Variants in KDM2B observed in about 807,000 individuals in gnomAD.
The protein encoded by KDM2B is lysine-specific demethylase 2B.
KDM2B carries 26 observed loss-of-function variants against 150.0 expected under a neutral mutation model. That is an observed-to-expected ratio of 0.17 (90% CI 0.13 to 0.24). KDM2B has a LOEUF of 0.24. Among genes scored for constraint, KDM2B ranks in the 10% least tolerant of loss-of-function variants. KDM2B has a pLI of 1.00. For synonymous variants in KDM2B, 734 were observed against 729.5 expected, an observed-to-expected ratio of 1.01 and a Z score of -0.10; for missense variants, 1,265 against 1,816.9, an observed-to-expected ratio of 0.70 and a Z score of 5.52.
the KDM2B span, among the ~76,000 whole-genome samples, chr12:121,421,126 T>C: frequency 6.6e-6 from 1 of 152,102 alleles, no homozygotes; most frequent in Non-Finnish European, 1.5e-5. Context: ...ACCTTGGTTC[T>C]CTCAACTTTT....
At chr12:121,577,442 G>A (rs568678193) in intron 2 of KDM2B, among the ~76,000 whole-genome samples, 1 of 152,310 alleles carries the variant, frequency 6.6e-6, no homozygotes, top group African/African-American at 2.4e-5. Context: ...GCTGGGACTA[G>A]CACCCTGCTC....
chr12:121,517,641 G>C, intron 9 of KDM2B, among the ~76,000 whole-genome samples: 1 of 151,802 alleles, frequency 6.6e-6, no homozygotes, highest in Non-Finnish European at 1.5e-5. Flanking sequence ...GCTAATTTTT[G>C]TATTTTTTTA....
intron 11 of KDM2B, among the ~76,000 whole-genome samples, chr12:121,497,036 T>A (rs1555301167): frequency 1.3e-5 from 2 of 151,948 alleles, no homozygotes; most frequent in African/African-American, 4.8e-5. Flanking sequence ...TTTGAGTGAT[T>A]TTTCAAGATG....
chr12:121,493,902 C>T (rs1405329251), intron 12 of KDM2B: 3 of 151,942 alleles, frequency 2.0e-5, no homozygotes, highest in Non-Finnish European at 4.4e-5. Flanking sequence ...CTTTGTAGCC[C>T]AGACTGGAGT....
At chr12:121,416,759 G>A in the KDM2B span, 4 of 194,900 alleles carry the variant, frequency 2.1e-5, no homozygotes, top group South Asian at 3.2e-4. Flanking sequence ...ATGAATAAAT[G>A]AATGCAATAA....
chr12:121,539,326 CAAAAAAAAAAAAAAAAAAAA>C (rs60048517), intron 6 of KDM2B, among the ~76,000 whole-genome samples: 2 of 58,592 alleles, frequency 3.4e-5, no homozygotes, highest in African/African-American at 6.8e-5. Flanking sequence ...GACCCTCTCC[CAAAAAAAAAAAAAAAAAAAA>C]AAAAAAAAAG....
At chr12:121,564,684 TAA>T (rs1479663322) in intron 4 of KDM2B, among the ~76,000 whole-genome samples, 3 of 152,208 alleles carry the variant, frequency 2.0e-5, no homozygotes, top group Admixed American at 2.0e-4. Flanking sequence ...CTCCGTATAA[TAA>T]AAACTTCCTG....
At position 121,444,613 on chromosome 12, in the gene KDM2B, G is replaced by A. The variant is rs902378322; in HGVS notation, c.2104-77C>T. 2.0e-5 allele frequency: 25 copies of A among 1,227,878 alleles called. No homozygotes were observed. In the African/African-American group the frequency reaches 2.7e-4, roughly 13 times the overall value. The allele number at this position is 1,227,878 out of a possible 1,614,324, so 76.1% of individuals were successfully genotyped here. ...CGGGCACAAGGCTCTGTGACGCCAC[G>A]TCTTCCAGAAGCAGCAGCACCCCCT... On this transcript the variant is annotated intron_variant, in intron 14 of 22. Coordinates refer to ENST00000377071, the MANE Select transcript of KDM2B (RefSeq NM_032590.5).
intron 12 of KDM2B, among the ~76,000 whole-genome samples, chr12:121,456,794 G>A (rs1166406865): frequency 6.6e-6 from 1 of 152,154 alleles, no homozygotes; most frequent in Non-Finnish European, 1.5e-5. Flanking sequence ...CAACCTGCCT[G>A]GACCTCAACA....
chr12:121,459,310 C>T (rs1057345770), intron 12 of KDM2B, among the ~76,000 whole-genome samples: 8 of 152,116 alleles, frequency 5.3e-5, no homozygotes, highest in Non-Finnish European at 1.2e-4. Context: ...GGTGCTGGGA[C>T]GAATAGCTAT....
rs539360154 is a variant in KDM2B at position 121,538,872 on chromosome 12, A to G, written c.684-4282T>C. On this transcript the variant is annotated intron_variant, in intron 6 of 22. Coordinates refer to ENST00000377071, the MANE Select transcript of KDM2B (RefSeq NM_032590.5). The stretch of plus-strand genomic sequence containing the variant: ...CCTGACACACCTCAACTCCAGGAGG[A>G]GTCCAGAGGTTACAGCCAAACCTCA... 1.2e-4 allele frequency among the ~76,000 whole-genome samples: 19 copies of G among 152,126 alleles called. No homozygotes were observed. The East Asian group carries it at 3.7e-3, about 29-fold the overall frequency.
chr12:121,531,872 C>G (rs979776776), intron 8 of KDM2B, among the ~76,000 whole-genome samples: 2 of 152,146 alleles, frequency 1.3e-5, no homozygotes, highest in Non-Finnish European at 2.9e-5. Context: ...GAGGGAGAAT[C>G]CCTTGAGGCC....
chr12:121,531,273 T>C (rs1309047225), intron 8 of KDM2B, among the ~76,000 whole-genome samples: 1 of 152,138 alleles, frequency 6.6e-6, no homozygotes, highest in African/African-American at 2.4e-5. Flanking sequence ...CACTAAACCC[T>C]GCTACTTCCA....
At chr12:121,540,724 C>T (rs1888540491) in intron 6 of KDM2B, among the ~76,000 whole-genome samples, 1 of 146,658 alleles carries the variant, frequency 6.8e-6, no homozygotes, top group Non-Finnish European at 1.5e-5. Context: ...ACCGGCACTC[C>T]AGCCTGGGCA....
chr12:121,447,884 T>G (rs1009677599), intron 13 of KDM2B, among the ~76,000 whole-genome samples: 1 of 151,912 alleles, frequency 6.6e-6, no homozygotes, highest in Middle Eastern at 3.4e-3. Context: ...CTCAAACTCC[T>G]GACCTCGAGT....
At position 121,442,182 on chromosome 12, in the gene KDM2B, G is replaced by GC. The variant is rs1566262063; in HGVS notation, c.3258dup (p.Arg1087AlafsTer13). The stretch of plus-strand genomic sequence containing the variant: ...CAGCGGTTCCAGGTCCTGCAGACCC[G>GC]CATGCACACACACAGGTCTTGGTGG... On this transcript the variant is annotated frameshift_variant, in exon 19 of 23. Transcript: ENST00000377071. LOFTEE classifies it high-confidence loss of function. This position sits in a 1 kb window ranked among gnomAD's most constrained non-coding sequence, Gnocchi z 7.7. The GC allele has an allele frequency of 6.2e-7, 1 of 1,613,642 alleles. No individual in the cohort carries two copies. Among genetic ancestry groups the GC allele is most frequent in the Non-Finnish European group, 8.5e-7 (1 of 1,180,002 alleles).
chr12:121,482,203 G>C (rs1242178499), intron 12 of KDM2B, among the ~76,000 whole-genome samples: 1 of 152,154 alleles, frequency 6.6e-6, no homozygotes, highest in Non-Finnish European at 1.5e-5. Context: ...CCAGTAAAAT[G>C]GTTCTAAAAC....
At position 121,521,142 on chromosome 12, in the gene KDM2B, T is replaced by A; in HGVS notation, c.932-42A>T. ...AAGGAGAGGATGAGCCGCTGGCCCC[T>A]GTGGGCTCCCACACCTCACAAGGCT... On this transcript the variant is annotated intron_variant, in intron 8 of 22. Coordinates refer to ENST00000377071, the MANE Select transcript of KDM2B (RefSeq NM_032590.5). This position sits in a 1 kb window ranked among gnomAD's most constrained non-coding sequence, Gnocchi z 4.9. The A allele has an allele frequency of 7.1e-7, 1 of 1,401,524 alleles. No homozygotes were observed. Among genetic ancestry groups the A allele is most frequent in the Non-Finnish European group, 1.0e-6 (1 of 989,322 alleles). The allele number at this position is 1,401,524 out of a possible 1,614,324, so 86.8% of individuals were successfully genotyped here.
intron 12 of KDM2B, among the ~76,000 whole-genome samples, chr12:121,474,871 G>A (rs953140400): frequency 3.1e-4 from 47 of 152,192 alleles, no homozygotes; most frequent in African/African-American, 1.1e-3. Context: ...AGGATCTCTT[G>A]AGCCTGGGAG....
Sources: allele counts gnomAD v4.1 joint callset (sites outside exome capture counted in the v4.1 genomes callset), GRCh38; gene constraint gnomAD v4.1.1; non-coding constraint Gnocchi (gnomAD v3.1); transcripts MANE v1.5; gene names NCBI Gene and HGNC (gene_info 2026-07-23, HGNC 2026-07-21).